Variants in NLRP8 observed in about 807,000 individuals in gnomAD.
The protein encoded by NLRP8 is NACHT, LRR and PYD domains-containing protein 8.
Under a neutral mutation model 88.7 loss-of-function variants are expected in NLRP8, and 86 were observed. The ratio of observed to expected loss-of-function variants is 0.97; its 90% CI spans 0.81 to 1.16. The LOEUF is 1.16. Among genes scored for constraint, NLRP8 ranks in the 50% most tolerant of loss-of-function variants. The pLI, the probability that NLRP8 is intolerant of heterozygous loss-of-function variation, is 0.00. For missense variants in NLRP8, 1,342 were observed against 1,286.5 expected (o/e 1.04, Z -0.66); for synonymous variants, 504 against 494.6 (o/e 1.02, Z -0.25).
At chr19:55,983,435 G>A (rs1980654077) in intron 9 of NLRP8, among the ~76,000 whole-genome samples, 1 of 129,098 alleles carries the variant, frequency 7.7e-6, no homozygotes, top group African/African-American at 3.0e-5. Flanking sequence ...CTGCACTACA[G>A]CCTGGGTGAC....
intron 6 of NLRP8, 49 bp downstream of exon 6, chr19:55,970,745 T>G: frequency 6.2e-7 from 1 of 1,608,342 alleles, no homozygotes; most frequent in Non-Finnish European, 8.5e-7. Context: ...TTGTGGTGGT[T>G]GTTTGGTAGA....
intron 3 of NLRP8, among the ~76,000 whole-genome samples, chr19:55,960,279 C>CAGG (rs1195422155): frequency 6.6e-6 from 1 of 152,176 alleles, no homozygotes; most frequent in Non-Finnish European, 1.5e-5. Context: ...TGGCCTGCCA[C>CAGG]AGGTAGAATG....
At chr19:55,971,539 A>G (rs965282820) in intron 6 of NLRP8, among the ~76,000 whole-genome samples, 1 of 150,458 alleles carries the variant, frequency 6.6e-6, no homozygotes, top group Non-Finnish European at 1.5e-5. Context: ...AGTTGCTTCT[A>G]TAGTTAATTC....
intron 2 of NLRP8, among the ~76,000 whole-genome samples, chr19:55,953,962 C>A (rs1363682666): frequency 6.6e-6 from 1 of 151,538 alleles, no homozygotes; most frequent in Non-Finnish European, 1.5e-5. Context: ...CACCACCACG[C>A]CTGGCTAATT....
intron 5 of NLRP8, among the ~76,000 whole-genome samples, chr19:55,966,585 G>A (rs1344764810): frequency 2.0e-5 from 3 of 151,174 alleles, no homozygotes; most frequent in African/African-American, 7.4e-5. Context: ...GGAGGATCAC[G>A]AGGTAGAGAC....
chr19:55,949,132 A>G (rs1258824333), intron 1 of NLRP8, among the ~76,000 whole-genome samples: 2 of 152,208 alleles, frequency 1.3e-5, no homozygotes, highest in Non-Finnish European at 2.9e-5. Flanking sequence ...CCACATTTAC[A>G]TACCGTTTAT....
intron 9 of NLRP8, among the ~76,000 whole-genome samples, chr19:55,985,635 C>G (rs965049367): frequency 3.3e-5 from 5 of 152,172 alleles, no homozygotes; most frequent in Admixed American, 2.6e-4. Context: ...ACTACACTTT[C>G]TAAAAACTAA....
At chr19:55,952,665 G>C in intron 2 of NLRP8, 53 bp downstream of exon 2, 1 of 1,438,440 alleles carries the variant, frequency 7.0e-7, no homozygotes, top group East Asian at 2.3e-5. Flanking sequence ...TATGGACTGG[G>C]ATGAGCTGCT....
chr19:55,947,928 A>G lies in NLRP8; in HGVS notation c.26A>G (p.Asp9Gly). Residue 9 changes from aspartate (D) to glycine (G), a missense_variant, in exon 1 of 10, where the codon GAC (aspartate) becomes GGC (glycine). Physicochemically the swap from Asp to Gly is moderately conservative, Grantham distance 94. Transcript: ENST00000291971. ...ATGAGTGACGTGAATCCACCCTCTG[A>G]CACCCCCATTCCCTTTTCATCCTCC... 6.2e-7 allele frequency: 1 copy of G among 1,612,834 alleles called. No individual in the cohort carries two copies. Among genetic ancestry groups the G allele is most frequent in the Non-Finnish European group, 8.5e-7 (1 of 1,179,172 alleles).
rs758304592 is a variant in NLRP8 at position 55,976,347 on chromosome 19, A to G, written c.2876+44A>G. ...CCTCCTGTGAGACCAGGAGAATTGT[A>G]TATAAGCGTCTCTCAGGATGGAATA... On this transcript the variant is annotated intron_variant, in intron 8 of 9. Coordinates refer to ENST00000291971, the MANE Select transcript of NLRP8 (RefSeq NM_176811.2). 6 of 1,482,746 alleles carry G rather than the reference A, an allele frequency of 4.0e-6. No homozygotes were observed. The South Asian group carries it at 8.6e-5, about 21-fold the overall frequency. 91.8% of individuals were successfully genotyped at this position (1,482,746 alleles called of 1,614,324 possible).
chr19:55,962,953 T>A (rs896204644), intron 4 of NLRP8, among the ~76,000 whole-genome samples: 12 of 152,172 alleles, frequency 7.9e-5, no homozygotes, highest in African/African-American at 2.9e-4. Context: ...AGAAGCCACG[T>A]GCGACCTGAG....
chr19:55,983,634 G>A (rs1027309631), intron 9 of NLRP8, among the ~76,000 whole-genome samples: 17 of 151,794 alleles, frequency 1.1e-4, no homozygotes, highest in African/African-American at 4.1e-4. Context: ...TGGGAAAACA[G>A]GGTAGATTGT....
At chr19:55,948,426 C>T (rs181397628) in intron 1 of NLRP8, among the ~76,000 whole-genome samples, 157 bp downstream of exon 1, 109 of 152,046 alleles carry the variant, frequency 7.2e-4, no homozygotes, top group African/African-American at 2.4e-3. Flanking sequence ...GACTGTCATA[C>T]GGGCATTTTT....
chr19:55,948,003 G>A lies in NLRP8; in HGVS notation c.101G>A (p.Gly34Asp). 2 of 1,613,810 alleles carry A rather than the reference G, an allele frequency of 1.2e-6. No homozygotes were observed. The highest frequency in any genetic ancestry group is 1.6e-4 in the Middle Eastern group (1 of 6,062). ...CCCTGGACATTCTCTTGCTACCCCG[G>A]CTCCCCATGTGAAAATGGGGTCATG... Residue 34 changes from glycine to aspartate, a missense_variant, in exon 1 of 10, where the codon GGC becomes GAC. Physicochemically the swap from Gly to Asp is moderately conservative, Grantham distance 94. Coordinates refer to ENST00000291971, the MANE Select transcript of NLRP8 (RefSeq NM_176811.2).
At position 55,947,937 on chromosome 19, in the gene NLRP8, T is replaced by A. The variant is rs1301863607; in HGVS notation, c.35T>A (p.Ile12Asn). The A allele has an allele frequency of 6.2e-7, 1 of 1,613,884 alleles. No homozygotes were observed. The highest frequency in any genetic ancestry group is 1.1e-5 in the South Asian group (1 of 91,056). Residue 12 changes from isoleucine (I) to asparagine (N), a missense_variant, in exon 1 of 10, where the codon ATT becomes AAT. Physicochemically the swap from Ile to Asn is moderately radical, Grantham distance 149. Coordinates refer to ENST00000291971, the MANE Select transcript of NLRP8 (RefSeq NM_176811.2). Reference sequence around the variant, plus strand: ...GTGAATCCACCCTCTGACACCCCCATTCCCTTTTCATCCTCCTCCACTCAC... The same window carrying A: ...GTGAATCCACCCTCTGACACCCCCAATCCCTTTTCATCCTCCTCCACTCAC...
In NLRP8 at chr19:55,957,752, T is replaced by C. The variant is rs951125055; in HGVS notation, c.2042+1652T>C. On this transcript the variant is annotated intron_variant, in intron 3 of 9. Transcript: ENST00000291971. ...AATAAGGTTGTTAAACGTGTTAAAATCTACAACACACTGAATAAGTCCAGT... is the reference window on the plus strand; with the variant it reads ...AATAAGGTTGTTAAACGTGTTAAAACCTACAACACACTGAATAAGTCCAGT... 5.5e-5 allele frequency among the ~76,000 whole-genome samples: 8 copies of C among 144,912 alleles called. No individual in the cohort carries two copies. In the Admixed American group the frequency reaches 5.6e-4, roughly 10 times the overall value.
intron 1 of NLRP8, among the ~76,000 whole-genome samples, chr19:55,950,187 G>A (rs1275685937): frequency 6.6e-6 from 1 of 150,898 alleles, no homozygotes; most frequent in Non-Finnish European, 1.5e-5. Flanking sequence ...GAGGTGGGTG[G>A]ATCACCCAAG....
At chr19:55,963,707 T>C (rs1200796367) in intron 4 of NLRP8, among the ~76,000 whole-genome samples, 1 of 151,908 alleles carries the variant, frequency 6.6e-6, no homozygotes, top group Non-Finnish European at 1.5e-5. Context: ...ATCCCACCAT[T>C]GCCCGGCTAA....
chr19:55,983,966 TTAATC>T (rs1483548688), intron 9 of NLRP8, among the ~76,000 whole-genome samples: 4 of 152,198 alleles, frequency 2.6e-5, no homozygotes, highest in Non-Finnish European at 4.4e-5. Context: ...TATTGTTAAT[TTAATC>T]TAATATTTCA....
Sources: gnomAD v4.1 joint callset for allele counts (sites outside exome capture counted in the v4.1 genomes callset) on GRCh38, gnomAD v4.1.1 for gene constraint, MANE v1.5 for transcripts, NCBI Gene and HGNC (gene_info 2026-07-23, HGNC 2026-07-21) for gene names.